The following NR1D2 variants were observed in gnomAD, a reference collection of about 807,000 sequenced individuals.
NR1D2 encodes the protein V-erbA-related protein 1-related.
In NR1D2, 25 loss-of-function variants were observed where a neutral mutation model predicts 52.2. The observed-to-expected ratio is 0.48, with a 90% confidence interval of 0.35 to 0.67. The LOEUF is 0.67. Ranked by LOEUF, NR1D2 falls within the 30% of genes least tolerant of loss-of-function variation. NR1D2 has a pLI of 0.01. For synonymous variants in NR1D2, 259 were observed against 230.1 expected (o/e 1.13, Z -1.14); for missense variants, 681 against 707.2 (o/e 0.96, Z 0.42).
At chr3:23,975,811 A>T (rs981513586) in intron 7 of NR1D2, among the ~76,000 whole-genome samples, 1 of 152,206 alleles carries the variant, frequency 6.6e-6, no homozygotes, top group Non-Finnish European at 1.5e-5. Context: ...GAGTTAATCA[A>T]ATTTTTCTTT....
rs1706262906 is a variant in NR1D2, at chr3:23,962,091, C to T, written c.632C>T (p.Thr211Ile). Reference protein sequence around the residue: ...SQFSGHLQNDTLVEHHEQTAL... With the variant: ...SQFSGHLQNDILVEHHEQTAL... Reference sequence around the variant, plus strand: ...TTCAGTGGTCACTTGCAAAATGACACATTAGTAGAACATCATGAACAGACA... The same window carrying T: ...TTCAGTGGTCACTTGCAAAATGACATATTAGTAGAACATCATGAACAGACA... The change falls in exon 5 of 8, where the codon ACA becomes ATA. Residue 211 changes from threonine (T) to isoleucine (I), a missense_variant. Coordinates refer to ENST00000312521, the MANE Select transcript of NR1D2 (RefSeq NM_005126.5). The T allele has an allele frequency of 6.2e-7, 1 of 1,614,044 alleles. No individual in the cohort carries two copies.
rs781764499 is a variant in NR1D2 at position 23,967,934 on chromosome 3, C to T, written c.1454C>T (p.Ser485Phe). 3 of 1,614,042 alleles carry T rather than the reference C, an allele frequency of 1.9e-6. No individual in the cohort carries two copies. Among genetic ancestry groups the T allele is most frequent in the Admixed American group, 1.7e-5 (1 of 60,014 alleles). ...ATGGGAGCAGGGGATCTGCTAAACT[C>T]TATGTTTGAATTTAGTGAGAAGCTA... is the stretch of plus-strand genomic sequence containing the variant. ...HSMGAGDLLN[S>F]MFEFSEKLNA... The change falls in exon 7 of 8, where the codon TCT becomes TTT. Residue 485 changes from serine to phenylalanine, a missense_variant. Physicochemically the swap from Ser to Phe is radical, Grantham distance 155 (BLOSUM62 -2). This residue lies in a region of NR1D2 where 475 missense variants were observed against 454.5 expected (regional missense o/e 1.05). Transcript: ENST00000312521.
intron 5 of NR1D2, among the ~76,000 whole-genome samples, chr3:23,964,330 G>T (rs1480644182): frequency 1.3e-5 from 2 of 152,138 alleles, no homozygotes; most frequent in Non-Finnish European, 2.9e-5. Flanking sequence ...GCCTGCCTCG[G>T]TCTCCCAAAG....
chr3:23,946,352 C>G (rs1018255429), intron 1 of NR1D2: 55 of 949,086 alleles, frequency 5.8e-5, no homozygotes, highest in Non-Finnish European at 6.8e-5. Context: ...AAGTGCAGGA[C>G]GAGGGCGTGC....
chr3:23,972,466 A>T lies in NR1D2; in HGVS notation c.1543+4443A>T, dbSNP rs570062306. ...GGAAGGGGAATTATACCTGGAAGGT[A>T]AGTTTCTTTTCAGGTTGTTTAAAGT... On this transcript the variant is annotated intron_variant, in intron 7 of 7. Coordinates refer to ENST00000312521, the MANE Select transcript of NR1D2 (RefSeq NM_005126.5). Among the ~76,000 whole-genome samples the T allele has an allele frequency of 1.7e-3, 263 of 152,330 alleles. 1 individual carries two copies. Among genetic ancestry groups the T allele is most frequent in the African/African-American group, 6.2e-3 (256 of 41,572 alleles).
At chr3:23,945,637 C>G (rs1023650319) in intron 1 of NR1D2, 43 bp downstream of exon 1, 16 of 1,144,300 alleles carry the variant, frequency 1.4e-5, no homozygotes, top group Non-Finnish European at 1.6e-5. Context: ...CCGGAGGGAG[C>G]GCTCAGAGCC....
intron 1 of NR1D2, among the ~76,000 whole-genome samples, chr3:23,947,944 C>G (rs539153616): frequency 4.5e-4 from 69 of 152,142 alleles, no homozygotes; most frequent in Non-Finnish European, 6.0e-4. Context: ...ATGGTGAAAC[C>G]CCGTCTCTAC....
intron 1 of NR1D2, 21 bp downstream of exon 1, chr3:23,945,615 G>A: frequency 8.5e-7 from 1 of 1,177,942 alleles, no homozygotes. Context: ...GACTGCGGCG[G>A]GTGGGGGATG....
intron 3 of NR1D2, among the ~76,000 whole-genome samples, chr3:23,956,528 A>G (rs545045691): frequency 3.3e-5 from 5 of 152,336 alleles, no homozygotes; most frequent in South Asian, 2.1e-4. Flanking sequence ...GGATCTCATC[A>G]TATACTTTGA....
intron 4 of NR1D2, among the ~76,000 whole-genome samples, chr3:23,961,765 G>A (rs1706253247): frequency 2.0e-5 from 3 of 152,036 alleles, no homozygotes; most frequent in African/African-American, 4.8e-5. Flanking sequence ...TAACTTTGTT[G>A]TGGGGGGAAA....
intron 1 of NR1D2, chr3:23,946,274 C>A (rs545189864): frequency 1.0e-6 from 1 of 985,366 alleles, no homozygotes; most frequent in Non-Finnish European, 1.2e-6. Flanking sequence ...GGCGCGGACC[C>A]CGCGCAAACC....
At chr3:23,962,979 C>G (rs1446765923) in intron 5 of NR1D2, among the ~76,000 whole-genome samples, 1 of 151,028 alleles carries the variant, frequency 6.6e-6, no homozygotes, top group Admixed American at 6.6e-5. Context: ...TTTTCGCTTG[C>G]CATAGTTAGA....
At chr3:23,960,359 C>T (rs960823327) in intron 4 of NR1D2, among the ~76,000 whole-genome samples, 16 of 152,070 alleles carry the variant, frequency 1.1e-4, no homozygotes, top group South Asian at 4.2e-4. Context: ...GAGTTGAGAT[C>T]GTGCCACTGC....
At chr3:23,951,167 A>C (rs534185926) in intron 1 of NR1D2, among the ~76,000 whole-genome samples, 7 of 152,224 alleles carry the variant, frequency 4.6e-5, no homozygotes, top group African/African-American at 1.7e-4. Context: ...GGCCTCCCAA[A>C]GTGCTGAGGT....
chr3:23,957,723 CA>C (rs1157597750), intron 3 of NR1D2, among the ~76,000 whole-genome samples: 107 of 127,044 alleles, frequency 8.4e-4, no homozygotes, highest in African/African-American at 1.5e-3. Flanking sequence ...GATTCCGTCT[CA>C]AAAAAAAAAA....
At chr3:23,977,088 A>C (rs1706748571) in intron 7 of NR1D2, 135 bp from the exon 8 acceptor site, 3 of 448,988 alleles carry the variant, frequency 6.7e-6, no homozygotes, top group Non-Finnish European at 7.7e-6. Flanking sequence ...AAATTTGTCA[A>C]CTTTTGCCTT....
At chr3:23,962,687 TG>T in intron 5 of NR1D2, 82 bp downstream of exon 5, 1 of 1,326,376 alleles carries the variant, frequency 7.5e-7, no homozygotes, top group Non-Finnish European at 1.0e-6. Flanking sequence ...TATGCTAACT[TG>T]GGGGGATGGT....
At position 23,945,289 on chromosome 3, in the gene NR1D2, A is replaced by T; in HGVS notation, c.-290A>T. ...CATGGTCGCGGCTGCCCTCCCCGTC[A>T]GCCGCCCTCGCCGCCGCGGTGCGCT... On this transcript the variant is annotated 5_prime_UTR_variant, in exon 1 of 8. Coordinates refer to ENST00000312521, the MANE Select transcript of NR1D2 (RefSeq NM_005126.5). 6.5e-6 allele frequency: 1 copy of T among 154,930 alleles called. No homozygotes were observed. 9.6% of individuals were successfully genotyped at this position (154,930 alleles called of 1,614,324 possible).
chr3:23,957,139 C>T (rs1449208548), intron 3 of NR1D2, among the ~76,000 whole-genome samples: 3 of 151,942 alleles, frequency 2.0e-5, no homozygotes, highest in Admixed American at 2.0e-4. Context: ...CACGCCACCA[C>T]TCCAGGCTAA....
Sources: allele counts gnomAD v4.1 joint callset (sites outside exome capture counted in the v4.1 genomes callset), GRCh38; gene constraint gnomAD v4.1.1; regional missense constraint gnomAD v4.1.1; transcripts MANE v1.5; gene names NCBI Gene and HGNC (gene_info 2026-07-23, HGNC 2026-07-21).